ADAM32: variants seen among roughly 807,000 people sequenced by gnomAD.
ADAM32 encodes disintegrin and metalloproteinase domain-containing protein 32.
Under a neutral mutation model 114.9 loss-of-function variants are expected in ADAM32, and 89 were observed. The ratio of observed to expected loss-of-function variants is 0.77; its 90% CI spans 0.65 to 0.92. The LOEUF is 0.92. Among genes scored for constraint, ADAM32 ranks in the 40% least tolerant of loss-of-function variants. The pLI is 0.00. For synonymous variants in ADAM32, 285 were observed against 307.5 expected, an observed-to-expected ratio of 0.93 and a Z score of 0.77; for missense variants, 870 against 932.8, an observed-to-expected ratio of 0.93 and a Z score of 0.88.
chr8:39,221,548 C>G, intron 12 of ADAM32, 62 bp from the exon 13 acceptor site: 2 of 1,269,784 alleles, frequency 1.6e-6, no homozygotes, highest in Non-Finnish European at 2.3e-6. Context: ...AAATATAACT[C>G]CTAGTAAAGA....
In ADAM32 at chr8:39,137,143, G is replaced by A. The variant is rs549432456; in HGVS notation, c.200+425G>A. On this transcript the variant is annotated intron_variant, in intron 3 of 24. Coordinates refer to ENST00000379907, the MANE Select transcript of ADAM32 (RefSeq NM_145004.7). ...GCTGGCGAATAGTTTATGGAAAATA[G>A]TCCTAGCTATATGCCACTCTTCAGA... Among the ~76,000 whole-genome samples, 7 of 152,292 alleles carry A rather than the reference G, an allele frequency of 4.6e-5. No homozygotes were observed. The East Asian group carries it at 1.4e-3, about 29-fold the overall frequency.
intron 17 of ADAM32, among the ~76,000 whole-genome samples, chr8:39,248,404 A>C (rs7014228): frequency 0.065 from 9,946 of 152,074 alleles, 1,131 homozygotes; most frequent in African/African-American, 0.23. Context: ...GATCTTATAT[A>C]TATTTTGTTA....
rs534417437 is a variant in ADAM32 at position 39,201,465 on chromosome 8, G to A, written c.1053-9679G>A. ...GTATATAGGAATGCTTGTGATTTTT[G>A]CACATTGATTTTGTATCCTGAGACT... On this transcript the variant is annotated intron_variant, in intron 11 of 24. Coordinates refer to ENST00000379907, the MANE Select transcript of ADAM32 (RefSeq NM_145004.7). 7.2e-4 allele frequency among the ~76,000 whole-genome samples: 109 copies of A among 151,798 alleles called. 1 individual carries two copies. Among genetic ancestry groups the A allele is most frequent in the African/African-American group, 2.6e-3 (106 of 41,460 alleles).
At chr8:39,126,287 ATTGATTC>A (rs1322059466) in intron 2 of ADAM32, among the ~76,000 whole-genome samples, 1 of 152,134 alleles carries the variant, frequency 6.6e-6, no homozygotes, top group Non-Finnish European at 1.5e-5. Flanking sequence ...TTTTCATGAT[ATTGATTC>A]TTCCTATCCA....
At chr8:39,141,091 A>G (rs1416577908) in intron 3 of ADAM32, among the ~76,000 whole-genome samples, 1 of 151,136 alleles carries the variant, frequency 6.6e-6, no homozygotes, top group East Asian at 1.9e-4. Context: ...TTTCTTCTTT[A>G]TTAGTCTTGC....
rs1169687599 is a variant in ADAM32, at chr8:39,151,934, A to G, written c.525+386A>G. Among the ~76,000 whole-genome samples, 3 of 152,190 alleles carry G rather than the reference A, an allele frequency of 2.0e-5. No homozygotes were observed. In the East Asian group the frequency reaches 5.8e-4, roughly 29 times the overall value. ...CGCCTCAATCTCCCAAAATGTTGAG[A>G]TTACAGGCATGAGCCACCGTGCCTG... On this transcript the variant is annotated intron_variant, in intron 6 of 24. Transcript: ENST00000379907.
At chr8:39,248,847 T>A (rs969765060) in intron 17 of ADAM32, among the ~76,000 whole-genome samples, 1 of 151,852 alleles carries the variant, frequency 6.6e-6, no homozygotes, top group African/African-American at 2.4e-5. Flanking sequence ...GATGAAAAAA[T>A]TTCCCTCTAT....
chr8:39,257,438 A>G, intron 19 of ADAM32, 95 bp downstream of exon 19: 1 of 1,378,502 alleles, frequency 7.3e-7, no homozygotes, highest in Admixed American at 2.2e-5. Context: ...TACTTTACAT[A>G]TCACTGGGAT....
chr8:39,117,058 A>G (rs1191786965), intron 1 of ADAM32, among the ~76,000 whole-genome samples: 2 of 151,706 alleles, frequency 1.3e-5, no homozygotes, highest in Admixed American at 1.3e-4. Flanking sequence ...CAATGTTTGT[A>G]TTTTCAGTAG....
chr8:39,130,656 G>T (rs1802387781), intron 2 of ADAM32, among the ~76,000 whole-genome samples: 1 of 151,958 alleles, frequency 6.6e-6, no homozygotes, highest in Non-Finnish European at 1.5e-5. Flanking sequence ...TGATTCATGG[G>T]TTATTTAGAA....
intron 11 of ADAM32, among the ~76,000 whole-genome samples, chr8:39,188,009 A>G (rs947971381): frequency 2.0e-5 from 3 of 152,196 alleles, no homozygotes; most frequent in Non-Finnish European, 4.4e-5. Flanking sequence ...GTTTGCAAAT[A>G]TGGCCTATGA....
intron 10 of ADAM32, among the ~76,000 whole-genome samples, chr8:39,178,630 A>AT (rs1805661858): frequency 6.6e-6 from 1 of 151,732 alleles, no homozygotes; most frequent in African/African-American, 2.4e-5. Context: ...TTTTGCATTG[A>AT]TTTTTCTCAT....
intron 11 of ADAM32, among the ~76,000 whole-genome samples, chr8:39,189,158 A>G (rs907407682): frequency 4.6e-5 from 7 of 152,278 alleles, no homozygotes; most frequent in African/African-American, 1.7e-4. Context: ...TCACCTATCT[A>G]TGAGGTAGAT....
chr8:39,179,325 T>C (rs1218630701), intron 10 of ADAM32, among the ~76,000 whole-genome samples: 1 of 152,252 alleles, frequency 6.6e-6, no homozygotes. Flanking sequence ...AGCCTGCTGC[T>C]ACTGGCTGGC....
chr8:39,117,266 T>C (rs539336161), intron 1 of ADAM32, among the ~76,000 whole-genome samples: 12 of 152,318 alleles, frequency 7.9e-5, no homozygotes, highest in Admixed American at 7.8e-4. Context: ...ATATATTATG[T>C]TTATGTAACC....
At chr8:39,219,197 C>T (rs549206216) in intron 12 of ADAM32, among the ~76,000 whole-genome samples, 11 of 152,026 alleles carry the variant, frequency 7.2e-5, no homozygotes, top group African/African-American at 2.4e-4. Flanking sequence ...GTCTTTTTGG[C>T]GCTGTGCACT....
chr8:39,157,822 C>T (rs1463266213), intron 6 of ADAM32: 3 of 871,996 alleles, frequency 3.4e-6, no homozygotes, highest in Non-Finnish European at 3.6e-6. Flanking sequence ...AGGTTATAGT[C>T]AGTGGAGGCA....
At chr8:39,280,659 G>T (rs1276220296) in intron 22 of ADAM32, among the ~76,000 whole-genome samples, 2 of 152,116 alleles carry the variant, frequency 1.3e-5, no homozygotes, top group African/African-American at 2.4e-5. Context: ...TTATTTGCAT[G>T]CCCCACATAT....
chr8:39,226,432 A>G (rs1268984027), intron 14 of ADAM32, among the ~76,000 whole-genome samples: 12 of 152,170 alleles, frequency 7.9e-5, no homozygotes, highest in Non-Finnish European at 1.8e-4. Flanking sequence ...AGATTATACC[A>G]AGCTCAAAAT....
Sources: gnomAD v4.1 joint callset for allele counts (sites outside exome capture counted in the v4.1 genomes callset) on GRCh38, gnomAD v4.1.1 for gene constraint, MANE v1.5 for transcripts, NCBI Gene and HGNC (gene_info 2026-07-23, HGNC 2026-07-21) for gene names.